Variants in ZC3H7B observed in about 807,000 individuals in gnomAD.
ZC3H7B encodes zinc finger CCCH domain-containing protein 7B.
A neutral mutation model predicts 116.0 loss-of-function variants in ZC3H7B; 35 were observed. That is an observed-to-expected ratio of 0.30 (90% CI 0.23 to 0.40). ZC3H7B has a LOEUF of 0.40. Among genes scored for constraint, ZC3H7B ranks in the 10% least tolerant of loss-of-function variants. The pLI, the probability that ZC3H7B is intolerant of heterozygous loss-of-function variation, is 1.00. For synonymous variants in ZC3H7B, 502 were observed against 545.6 expected, an observed-to-expected ratio of 0.92 and a Z score of 1.11; for missense variants, 1,011 against 1,321.5, an observed-to-expected ratio of 0.77 and a Z score of 3.64.
chr22:41,355,511 A>T lies in ZC3H7B; in HGVS notation c.2077A>T (p.Met693Leu), dbSNP rs775683724. The part of the protein sequence containing the change: ...THGPSTFDLQ[M>L]KFVCGQCWRN... Reference sequence around the variant, plus strand: ...TGGGCCCAGCACCTTTGACCTGCAGATGAAGTTTGTATGTGGCCAGTGCTG... The same window carrying T: ...TGGGCCCAGCACCTTTGACCTGCAGTTGAAGTTTGTATGTGGCCAGTGCTG... The change falls in exon 18 of 23, where the codon ATG becomes TTG. Residue 693 changes from methionine (M) to leucine (L), a missense_variant. Around this residue, in one of 5 missense-constraint regions of ZC3H7B, gnomAD observed 406 missense variants for 590.2 expected, o/e 0.69. Transcript: ENST00000352645. 1.2e-6 allele frequency: 2 copies of T among 1,614,108 alleles called. No homozygotes were observed. The highest frequency in any genetic ancestry group is 1.7e-6 in the Non-Finnish European group (2 of 1,180,000).
Position 41,356,432 on chromosome 22 carries a change from G to A in ZC3H7B, c.2473G>A (p.Gly825Arg). 6.2e-7 allele frequency: 1 copy of A among 1,614,186 alleles called. No homozygotes were observed. ...GEGTPISSRE[G>R]EKQIQMPTDY... ...AGGGACCCCCATCAGTTCTCGGGAA[G>A]GGGAGAAGCAGATCCAGATGCCCAC... is the stretch of plus-strand genomic sequence containing the variant. Residue 825 changes from glycine to arginine, a missense_variant, in exon 21 of 23, where the codon GGG (glycine) becomes AGG (arginine). By Grantham distance (125) the Gly-to-Arg change is moderately radical. Transcript: ENST00000352645.
Position 41,307,748 on chromosome 22 carries a change from G to A in ZC3H7B, c.-7+5976G>A, listed in dbSNP as rs565276356. ...CTCTTCAAGACCAGAGCAATCATTG[G>A]CAGCCCCATCTTGTAGATGAGGAGC... On this transcript the variant is annotated intron_variant, in intron 1 of 22. Coordinates refer to ENST00000352645, the MANE Select transcript of ZC3H7B (RefSeq NM_017590.6). Among the ~76,000 whole-genome samples, 19 of 152,210 alleles carry A rather than the reference G, an allele frequency of 1.2e-4. No homozygotes were observed. The South Asian group carries it at 3.9e-3, about 32-fold the overall frequency.
chr22:41,337,844 G>T (rs1285065089), intron 7 of ZC3H7B, among the ~76,000 whole-genome samples: 2 of 151,808 alleles, frequency 1.3e-5, no homozygotes, highest in African/African-American at 4.8e-5. Context: ...CACCACAGGG[G>T]TGAGGACCCA....
chr22:41,316,233 T>C (rs1297177619), intron 1 of ZC3H7B, among the ~76,000 whole-genome samples: 1 of 152,108 alleles, frequency 6.6e-6, no homozygotes, highest in African/African-American at 2.4e-5. Flanking sequence ...CCTCAGGTTA[T>C]CCGCCAACCT....
chr22:41,336,964 C>T (rs911390274), intron 7 of ZC3H7B: 1 of 151,466 alleles, frequency 6.6e-6, no homozygotes, highest in Non-Finnish European at 1.5e-5. Context: ...GGAGAAACCC[C>T]ATCTCTACTA....
At position 41,340,095 on chromosome 22, in the gene ZC3H7B, G is replaced by A; in HGVS notation, c.1096G>A (p.Gly366Arg). The change falls in exon 10 of 23, where the codon GGG (glycine) becomes AGG (arginine). Residue 366 changes from glycine (G) to arginine (R), a missense_variant. Gly to Arg is a moderately radical substitution (Grantham distance 125). Coordinates refer to ENST00000352645, the MANE Select transcript of ZC3H7B (RefSeq NM_017590.6). ...ETRLDALDSF[G>R]STRGSLDKPD... is the part of the protein sequence containing the mutation. ...CCGGCTGGATGCACTCGACAGCTTTGGGTCGACACGAGGCTCCCTGGACAA... is the reference window on the plus strand; with the variant it reads ...CCGGCTGGATGCACTCGACAGCTTTAGGTCGACACGAGGCTCCCTGGACAA... The A allele has an allele frequency of 6.2e-7, 1 of 1,611,538 alleles. No individual in the cohort carries two copies. The highest frequency in any genetic ancestry group is 8.5e-7 in the Non-Finnish European group (1 of 1,179,584).
In ZC3H7B at chr22:41,357,246, C is replaced by A; in HGVS notation, c.2751C>A (p.Asn917Lys). Residue 917 changes from asparagine (N) to lysine (K), a missense_variant, in exon 23 of 23, where the codon AAC becomes AAA. Around this residue, in one of 5 missense-constraint regions of ZC3H7B, gnomAD observed 406 missense variants for 590.2 expected, o/e 0.69. Coordinates refer to ENST00000352645, the MANE Select transcript of ZC3H7B (RefSeq NM_017590.6). The surrounding 1 kb of genome is among the most constrained non-coding windows in gnomAD (Gnocchi z 5.4). ...CRCAHGQEELNEWLDRREVLK... is the reference protein window; with the variant it reads ...CRCAHGQEELKEWLDRREVLK... ...GCGCCCATGGACAGGAGGAGCTCAA[C>A]GAGTGGCTGGACCGGCGCGAGGTGC... is the stretch of plus-strand genomic sequence containing the variant. The A allele has an allele frequency of 6.2e-7, 1 of 1,613,842 alleles. No individual in the cohort carries two copies. The highest frequency in any genetic ancestry group is 8.5e-7 in the Non-Finnish European group (1 of 1,179,972).
chr22:41,319,139 C>T (rs747364965), intron 1 of ZC3H7B, among the ~76,000 whole-genome samples: 15 of 152,122 alleles, frequency 9.9e-5, no homozygotes, highest in Non-Finnish European at 1.6e-4. Context: ...CAGTGGCTCA[C>T]GCCTGTAATC....
At chr22:41,317,991 G>A (rs774135301) in intron 1 of ZC3H7B, among the ~76,000 whole-genome samples, 2 of 152,204 alleles carry the variant, frequency 1.3e-5, no homozygotes, top group Non-Finnish European at 2.9e-5. Flanking sequence ...GCCTGATGGG[G>A]ATGTTGTGAG....
intron 7 of ZC3H7B, among the ~76,000 whole-genome samples, chr22:41,337,929 A>T (rs1217735361): frequency 6.7e-6 from 1 of 149,044 alleles, no homozygotes; most frequent in Admixed American, 6.7e-5. Flanking sequence ...GTATAGTGGC[A>T]TGATCTCGGC....
At chr22:41,304,196 C>T (rs2145890942) in intron 1 of ZC3H7B, among the ~76,000 whole-genome samples, 1 of 152,270 alleles carries the variant, frequency 6.6e-6, no homozygotes, top group Admixed American at 6.5e-5. Context: ...GCATGAGCCA[C>T]CACACCTGGC....
chr22:41,355,450 C>G lies in ZC3H7B; in HGVS notation c.2035-19C>G, dbSNP rs746040610. On this transcript the variant is annotated intron_variant, in intron 17 of 22. Transcript: ENST00000352645. ...TGGTGCCTGCAGCTTCACCAACCCC[C>G]CTCCCCATCCCCCCACAGGGTGCTC... The G allele has an allele frequency of 6.2e-6, 10 of 1,613,330 alleles. No homozygotes were observed. The highest frequency in any genetic ancestry group is 8.5e-6 in the Non-Finnish European group (10 of 1,179,622).
intron 5 of ZC3H7B, among the ~76,000 whole-genome samples, chr22:41,328,781 T>C (rs2036346773): frequency 6.6e-6 from 1 of 152,110 alleles, no homozygotes; most frequent in East Asian, 1.9e-4. Flanking sequence ...CTTGGAGCCT[T>C]ACAACCCTGT....
chr22:41,315,587 T>C (rs1159393849), intron 1 of ZC3H7B, among the ~76,000 whole-genome samples: 1 of 152,090 alleles, frequency 6.6e-6, no homozygotes, highest in African/African-American at 2.4e-5. Flanking sequence ...CAACAGAAAT[T>C]TATTTCTTTA....
Position 41,342,526 on chromosome 22 carries a change from C to T in ZC3H7B, c.1198-3C>T, listed in dbSNP as rs753590872. On this transcript the variant is annotated splice_polypyrimidine_tract_variant and splice_region_variant and intron_variant, in intron 11 of 22. Coordinates refer to ENST00000352645, the MANE Select transcript of ZC3H7B (RefSeq NM_017590.6). ...CACAATGGCCTCCTTCCTCCTGTCA[C>T]AGCCAGAGCCCTGCATGCCCAACAC... 1.2e-6 allele frequency: 2 copies of T among 1,612,794 alleles called. No individual in the cohort carries two copies. The highest frequency in any genetic ancestry group is 2.2e-5 in the South Asian group (2 of 91,086).
chr22:41,346,002 G>A lies in ZC3H7B; in HGVS notation c.1460-1G>A. The A allele has an allele frequency of 1.2e-6, 2 of 1,614,042 alleles. No individual in the cohort carries two copies. Among genetic ancestry groups the A allele is most frequent in the Non-Finnish European group, 1.7e-6 (2 of 1,180,004 alleles). ...ACGTGTGTCCTGTTGCCTCTTTGCA[G>A]ACATGATTAACAAGCAGGACTGTAA... On this transcript the variant is annotated splice_acceptor_variant, in intron 13 of 22. Coordinates refer to ENST00000352645, the MANE Select transcript of ZC3H7B (RefSeq NM_017590.6). LOFTEE classifies it high-confidence loss of function. The surrounding 1 kb of genome is among the most constrained non-coding windows in gnomAD (Gnocchi z 5.3).
intron 1 of ZC3H7B, among the ~76,000 whole-genome samples, chr22:41,320,115 C>G (rs1233104161): frequency 1.3e-5 from 2 of 151,710 alleles, no homozygotes; most frequent in Non-Finnish European, 2.9e-5. Context: ...GATGAATTAC[C>G]TGAGGTCAGG....
At chr22:41,350,801 C>T (rs910353307) in intron 16 of ZC3H7B, among the ~76,000 whole-genome samples, 5 of 152,156 alleles carry the variant, frequency 3.3e-5, no homozygotes, top group Non-Finnish European at 7.3e-5. Context: ...TAGATACATA[C>T]TTGCAGATCA....
intron 2 of ZC3H7B, among the ~76,000 whole-genome samples, chr22:41,323,102 G>C: frequency 6.6e-6 from 1 of 152,288 alleles, no homozygotes; most frequent in Non-Finnish European, 1.5e-5. Context: ...GGTGTCCTGC[G>C]CTGGGCTGAT....
Sources: allele counts gnomAD v4.1 joint callset (sites outside exome capture counted in the v4.1 genomes callset), GRCh38; gene constraint gnomAD v4.1.1; regional missense constraint gnomAD v4.1.1; non-coding constraint Gnocchi (gnomAD v3.1); transcripts MANE v1.5; gene names NCBI Gene and HGNC (gene_info 2026-07-23, HGNC 2026-07-21).